The following AQP7B variants were observed in gnomAD, a reference collection of about 807,000 sequenced individuals.
AQP7B encodes the protein aquaporin 7B, also known as putative aquaporin-7B.
At chr2:94,589,801 G>GA in the AQP7B span, among the ~76,000 whole-genome samples, 1 of 151,868 alleles carries the variant, frequency 6.6e-6, no homozygotes, top group African/African-American at 2.4e-5. Context: ...CTCCTCCTGT[G>GA]CTCTTGGCTC....
the AQP7B span, among the ~76,000 whole-genome samples, chr2:94,598,358 C>T: frequency 2.0e-5 from 3 of 152,148 alleles, no homozygotes; most frequent in Non-Finnish European, 2.9e-5. Context: ...AGGGGTGTTG[C>T]CCTTGGAGCT....
At chr2:94,592,978 A>G in the AQP7B span, among the ~76,000 whole-genome samples, 2 of 151,646 alleles carry the variant, frequency 1.3e-5, no homozygotes, top group African/African-American at 4.8e-5. Context: ...CATACACCAC[A>G]ACACCTGACT....
the AQP7B span, among the ~76,000 whole-genome samples, chr2:94,587,997 G>A: frequency 6.6e-6 from 1 of 152,074 alleles, no homozygotes; most frequent in African/African-American, 2.4e-5. Context: ...AGTACAAAGG[G>A]GAATTTTTGG....
At chr2:94,587,941 TGAGGGG>T in the AQP7B span, among the ~76,000 whole-genome samples, 2 of 151,530 alleles carry the variant, frequency 1.3e-5, no homozygotes, top group African/African-American at 4.9e-5. Context: ...ACAGACAGGG[TGAGGGG>T]ACTTCGGGCT....
the AQP7B span, among the ~76,000 whole-genome samples, chr2:94,600,345 A>C: frequency 1.3e-5 from 2 of 152,230 alleles, no homozygotes; most frequent in African/African-American, 4.8e-5. Flanking sequence ...TAGTATCCAC[A>C]TTAAAAAGGT....
the AQP7B span, among the ~76,000 whole-genome samples, chr2:94,601,957 A>G: frequency 6.6e-6 from 1 of 151,964 alleles, no homozygotes; most frequent in African/African-American, 2.4e-5. Flanking sequence ...GTCAGTGGAA[A>G]TGAAGCTGAG....
chr2:94,589,829 T>C, the AQP7B span, among the ~76,000 whole-genome samples: 2 of 151,964 alleles, frequency 1.3e-5, no homozygotes, highest in South Asian at 4.2e-4. Flanking sequence ...GGTCCCCTTC[T>C]CTTCAGTTGC....
At chr2:94,594,869 T>A in the AQP7B span, 1 of 1,524,686 alleles carries the variant, frequency 6.6e-7, no homozygotes, top group Non-Finnish European at 9.1e-7. Flanking sequence ...ACATATGTCA[T>A]GATGGTGAGT....
At chr2:94,596,710 T>C in the AQP7B span, among the ~76,000 whole-genome samples, 2 of 152,172 alleles carry the variant, frequency 1.3e-5, no homozygotes, top group African/African-American at 4.8e-5. Context: ...TTTAGCTTTC[T>C]TGTTTTTGAG....
At chr2:94,597,545 CT>C in the AQP7B span, among the ~76,000 whole-genome samples, 1 of 151,834 alleles carries the variant, frequency 6.6e-6, no homozygotes, top group East Asian at 1.9e-4. Context: ...GAGACTAAGC[CT>C]TTTGCCCAAG....
At chr2:94,590,639 G>T in the AQP7B span, among the ~76,000 whole-genome samples, 2 of 152,036 alleles carry the variant, frequency 1.3e-5, no homozygotes, top group African/African-American at 4.8e-5. Flanking sequence ...TTTTTGATAG[G>T]TTAGTCAAAG....
chr2:94,603,273 G>A, the AQP7B span: 2 of 1,392,916 alleles, frequency 1.4e-6, no homozygotes, highest in South Asian at 1.4e-5. Context: ...AAAATAGCTG[G>A]GAGAAAAAAG....
the AQP7B span, chr2:94,604,612 G>A: frequency 6.6e-7 from 1 of 1,520,460 alleles, no homozygotes; most frequent in South Asian, 1.3e-5. Flanking sequence ...CCCCAATAAA[G>A]CAAAGCTTGT....
chr2:94,599,749 A>C, the AQP7B span, among the ~76,000 whole-genome samples: 2 of 152,130 alleles, frequency 1.3e-5, no homozygotes, highest in Non-Finnish European at 2.9e-5. Context: ...ACTGAAAACA[A>C]CACAAAATGA....
chr2:94,598,904 G>A, the AQP7B span, among the ~76,000 whole-genome samples: 1 of 152,184 alleles, frequency 6.6e-6, no homozygotes, highest in Non-Finnish European at 1.5e-5. Flanking sequence ...CCAGGTTCAA[G>A]TGATTCTCCT....
the AQP7B span, among the ~76,000 whole-genome samples, chr2:94,598,841 C>T: frequency 1.5e-4 from 23 of 152,176 alleles, no homozygotes; most frequent in African/African-American, 9.7e-5. Flanking sequence ...GAGTCTGACC[C>T]TGTTGCCCAG....
chr2:94,596,390 C>T, the AQP7B span, among the ~76,000 whole-genome samples: 1 of 152,142 alleles, frequency 6.6e-6, no homozygotes, highest in African/African-American at 2.4e-5. Flanking sequence ...AAGGGGCAGC[C>T]TCTGGGAAGG....
chr2:94,591,679 C>A, the AQP7B span, among the ~76,000 whole-genome samples: 1 of 152,228 alleles, frequency 6.6e-6, no homozygotes, highest in Non-Finnish European at 1.5e-5. Flanking sequence ...ACCTCCACTC[C>A]TCCGTGGCCA....
chr2:94,593,018 A>C, the AQP7B span, among the ~76,000 whole-genome samples: 3 of 151,200 alleles, frequency 2.0e-5, no homozygotes, highest in African/African-American at 7.3e-5. Context: ...CGTAGAGATG[A>C]GGTTTTGTCA....
Sources: allele counts gnomAD v4.1 joint callset (sites outside exome capture counted in the v4.1 genomes callset), GRCh38; gene constraint gnomAD v4.1.1; transcripts MANE v1.5; gene names NCBI Gene and HGNC (gene_info 2026-07-23, HGNC 2026-07-21).